Variants in MOB3B observed in about 807,000 individuals in gnomAD.
MOB3B encodes the protein MOB kinase activator-like 2B.
A neutral mutation model predicts 18.7 loss-of-function variants in MOB3B; 7 were observed. The ratio of observed to expected loss-of-function variants is 0.37; its 90% CI spans 0.21 to 0.70. MOB3B has a LOEUF of 0.70. Ranked by LOEUF, MOB3B falls within the 30% of genes least tolerant of loss-of-function variation. The pLI is 0.52. For synonymous variants in MOB3B, 111 were observed against 99.9 expected (o/e 1.11, Z -0.66); for missense variants, 253 against 281.3 (o/e 0.90, Z 0.72).
intron 2 of MOB3B, among the ~76,000 whole-genome samples, chr9:27,370,793 A>G (rs1370184314): frequency 6.6e-6 from 1 of 152,202 alleles, no homozygotes; most frequent in Admixed American, 6.5e-5. Flanking sequence ...GTTGTGCGGG[A>G]GTGGTGAAGA....
chr9:27,366,967 G>A (rs953277692), intron 2 of MOB3B, among the ~76,000 whole-genome samples: 1 of 152,182 alleles, frequency 6.6e-6, no homozygotes, highest in Non-Finnish European at 1.5e-5. Flanking sequence ...ATCACACATG[G>A]TAATTCCACA....
At position 27,359,049 on chromosome 9, in the gene MOB3B, C is replaced by T; in HGVS notation, c.606G>A (p.Lys202=). 3.1e-6 allele frequency: 5 copies of T among 1,614,134 alleles called. No individual in the cohort carries two copies. Among genetic ancestry groups the T allele is most frequent in the African/African-American group, 1.3e-5 (1 of 75,012 alleles). ...TGTCACTTACCAAAGGCTCTAGCTCCTTGCGGTCTATGAGGTTCATCTCTG... is the reference window on the plus strand; with the variant it reads ...TGTCACTTACCAAAGGCTCTAGCTCTTTGCGGTCTATGAGGTTCATCTCTG... ...FVTEMNLIDR[K]ELEPLKEMTS... The change falls in exon 3 of 4, where the codon AAG becomes AAA. Residue 202 remains lysine (K), a synonymous_variant. Coordinates refer to ENST00000262244, the MANE Select transcript of MOB3B (RefSeq NM_024761.5).
At chr9:27,466,790 G>T (rs191476462) in intron 1 of MOB3B, among the ~76,000 whole-genome samples, 2 of 152,106 alleles carry the variant, frequency 1.3e-5, no homozygotes, top group Non-Finnish European at 2.9e-5. Flanking sequence ...GGGAAAGACC[G>T]GCCCTTATGA....
intron 2 of MOB3B, among the ~76,000 whole-genome samples, chr9:27,395,999 C>T (rs75773125): frequency 0.084 from 12,838 of 151,978 alleles, 609 homozygotes; most frequent in South Asian, 0.12. Context: ...GCTTTGAGGA[C>T]GGGGGTTATG....
At chr9:27,359,360 A>T in intron 2 of MOB3B, 124 bp from the exon 3 acceptor site, 3 of 478,258 alleles carry the variant, frequency 6.3e-6, no homozygotes, top group Non-Finnish European at 1.1e-5. Context: ...CACAGGAGTC[A>T]TAGGGAGTGT....
chr9:27,488,853 A>C (rs1392015599), intron 1 of MOB3B, among the ~76,000 whole-genome samples: 1 of 152,228 alleles, frequency 6.6e-6, no homozygotes, highest in Non-Finnish European at 1.5e-5. Context: ...TACACATTTC[A>C]AGGCTGCCTG....
At chr9:27,355,917 G>A (rs1821183176) in intron 3 of MOB3B, among the ~76,000 whole-genome samples, 1 of 152,154 alleles carries the variant, frequency 6.6e-6, no homozygotes, top group Non-Finnish European at 1.5e-5. Context: ...GACTTGACAT[G>A]TTATGCCTGA....
Position 27,329,240 on chromosome 9 carries a change from A to G in MOB3B, c.*1347T>C, listed in dbSNP as rs754361996. 2.0e-5 allele frequency: 3 copies of G among 152,184 alleles called. No homozygotes were observed. The highest frequency in any genetic ancestry group is 2.9e-5 in the Non-Finnish European group (2 of 68,044). 9.4% of individuals were successfully genotyped at this position (152,184 alleles called of 1,614,324 possible). A position where few individuals can be genotyped will look rare whatever the true frequency, so the allele number is the denominator to read the frequency against. ...CTAAATTAAAAGGATCACTGGAAGT[A>G]TTATGACCCCCCTCGTCACAGGTGG... On this transcript the variant is annotated 3_prime_UTR_variant, in exon 4 of 4. Coordinates refer to ENST00000262244, the MANE Select transcript of MOB3B (RefSeq NM_024761.5).
chr9:27,400,560 C>T (rs1821863233), intron 2 of MOB3B, among the ~76,000 whole-genome samples: 1 of 152,218 alleles, frequency 6.6e-6, no homozygotes, highest in Non-Finnish European at 1.5e-5. Context: ...ATGAATCATT[C>T]CCTTCTCAGA....
At chr9:27,436,955 C>T (rs1822510930) in intron 2 of MOB3B, among the ~76,000 whole-genome samples, 1 of 130,474 alleles carries the variant, frequency 7.7e-6, no homozygotes, top group African/African-American at 3.0e-5. Context: ...ACAGAACGCG[C>T]AAAGGCTCGG....
intron 1 of MOB3B, among the ~76,000 whole-genome samples, chr9:27,459,011 GC>G (rs34345892): frequency 0.15 from 22,800 of 150,386 alleles, 1,828 homozygotes; most frequent in African/African-American, 0.18. Flanking sequence ...GATCAGGTAG[GC>G]CCCCCCCCAT....
rs1820884464 is a variant in MOB3B, at chr9:27,337,754, C to T, written c.622-7138G>A. Among the ~76,000 whole-genome samples, 3 of 152,272 alleles carry T rather than the reference C, an allele frequency of 2.0e-5. 1 individual carries two copies. Among genetic ancestry groups the T allele is most frequent in the East Asian group, 3.9e-4 (2 of 5,190 alleles). On this transcript the variant is annotated intron_variant, in intron 3 of 3. Transcript: ENST00000262244. ...CAATCAGTGAGGTTTCTTCTAGTGT[C>T]GTGGCGCTATGAGAGGCATGGTGAT...
At chr9:27,471,155 G>A (rs1819465554) in intron 1 of MOB3B, among the ~76,000 whole-genome samples, 2 of 152,116 alleles carry the variant, frequency 1.3e-5, no homozygotes, top group Admixed American at 6.5e-5. Context: ...CAGTGGATGT[G>A]TGGACTCTGC....
intron 1 of MOB3B, among the ~76,000 whole-genome samples, chr9:27,521,156 C>T (rs538384004): frequency 6.6e-6 from 1 of 152,194 alleles, no homozygotes. Flanking sequence ...ACAGCCTCCT[C>T]GAGATCATGC....
chr9:27,502,238 T>C (rs923886797), intron 1 of MOB3B, among the ~76,000 whole-genome samples: 12 of 152,216 alleles, frequency 7.9e-5, no homozygotes, highest in African/African-American at 2.9e-4. Flanking sequence ...CTTTATATCC[T>C]CAGGTCCAGC....
intron 2 of MOB3B, among the ~76,000 whole-genome samples, chr9:27,387,178 A>G (rs989391080): frequency 6.6e-6 from 1 of 152,248 alleles, no homozygotes; most frequent in Non-Finnish European, 1.5e-5. Context: ...ATAAATGAAT[A>G]ATCATTCATT....
chr9:27,515,843 A>C (rs559801818), intron 1 of MOB3B, among the ~76,000 whole-genome samples: 2 of 152,316 alleles, frequency 1.3e-5, no homozygotes, highest in African/African-American at 4.8e-5. Context: ...TGTCTCCCCC[A>C]AAAATATACT....
intron 2 of MOB3B, among the ~76,000 whole-genome samples, chr9:27,380,977 C>T (rs1025511660): frequency 9.2e-5 from 14 of 152,168 alleles, no homozygotes; most frequent in African/African-American, 3.4e-4. Flanking sequence ...ATCTGGGGAA[C>T]ATCAGTTCAC....
chr9:27,485,281 A>G (rs1183240120), intron 1 of MOB3B, among the ~76,000 whole-genome samples: 1 of 152,128 alleles, frequency 6.6e-6, no homozygotes, highest in Non-Finnish European at 1.5e-5. Context: ...CCCAACAACA[A>G]CCTGGCAAGG....
Sources: gnomAD v4.1 joint callset for allele counts (sites outside exome capture counted in the v4.1 genomes callset) on GRCh38, gnomAD v4.1.1 for gene constraint, MANE v1.5 for transcripts, NCBI Gene and HGNC (gene_info 2026-07-23, HGNC 2026-07-21) for gene names.